RGL1: variants seen among roughly 807,000 people sequenced by gnomAD.
RGL1 encodes ral guanine nucleotide dissociation stimulator-like 1.
RGL1 carries 24 observed loss-of-function variants against 95.2 expected under a neutral mutation model. The observed-to-expected ratio is 0.25, with a 90% CI of 0.18 to 0.35. RGL1 has a LOEUF of 0.35. RGL1 is among the 10% of genes least tolerant of loss of function. RGL1 has a pLI of 1.00. For missense variants in RGL1, 715 were observed against 936.3 expected, an observed-to-expected ratio of 0.76 and a Z score of 3.08; for synonymous variants, 329 against 344.9, an observed-to-expected ratio of 0.95 and a Z score of 0.51.
At chr1:183,778,814 C>A in intron 2 of RGL1, among the ~76,000 whole-genome samples, 1 of 152,160 alleles carries the variant, frequency 6.6e-6, no homozygotes. Flanking sequence ...CAGATCATTA[C>A]AAAAGAGGGC....
chr1:183,685,296 C>T (rs1196001479), intron 1 of RGL1, among the ~76,000 whole-genome samples: 1 of 152,166 alleles, frequency 6.6e-6, no homozygotes, highest in Non-Finnish European at 1.5e-5. Flanking sequence ...ATCAGCAGTG[C>T]CATCTTGTGG....
chr1:183,924,474 G>A (rs374642102), intron 17 of RGL1, among the ~76,000 whole-genome samples: 24 of 152,216 alleles, frequency 1.6e-4, no homozygotes, highest in African/African-American at 5.1e-4. Flanking sequence ...GGGCCTGTTG[G>A]GGGGTGGAAG....
intron 1 of RGL1, among the ~76,000 whole-genome samples, chr1:183,716,262 A>C (rs762102038): frequency 5.3e-5 from 8 of 152,240 alleles, no homozygotes; most frequent in Admixed American, 2.6e-4. Context: ...TATGCTATTA[A>C]AAATATAAAC....
chr1:183,688,374 C>T (rs922545692), intron 1 of RGL1, among the ~76,000 whole-genome samples: 3 of 152,074 alleles, frequency 2.0e-5, no homozygotes, highest in African/African-American at 7.2e-5. Context: ...TTTTATATAG[C>T]ACCATCAGTG....
At chr1:183,729,767 G>A (rs995462707) in intron 1 of RGL1, among the ~76,000 whole-genome samples, 3 of 151,988 alleles carry the variant, frequency 2.0e-5, no homozygotes, top group African/African-American at 7.3e-5. Flanking sequence ...GTTTAACAAT[G>A]GAATACTACT....
intron 1 of RGL1, among the ~76,000 whole-genome samples, chr1:183,705,407 C>A (rs1031378594): frequency 6.6e-6 from 1 of 152,008 alleles, no homozygotes; most frequent in Admixed American, 6.5e-5. Context: ...ATGGACATTG[C>A]AGTCTCTTTG....
At chr1:183,904,104 T>C (rs1668180573) in intron 12 of RGL1, among the ~76,000 whole-genome samples, 1 of 152,372 alleles carries the variant, frequency 6.6e-6, no homozygotes, top group Admixed American at 6.5e-5. Context: ...GACTAGGATA[T>C]TAAACTTCTG....
Position 183,884,830 on chromosome 1 carries a change from T to C in RGL1, c.843T>C (p.Ser281=). 4 of 1,614,176 alleles carry C rather than the reference T, an allele frequency of 2.5e-6. No homozygotes were observed. Among genetic ancestry groups the C allele is most frequent in the Non-Finnish European group, 3.4e-6 (4 of 1,180,000 alleles). The part of the protein sequence containing the change: ...HLAPTIRATI[S]QFNTLTKCVV... The stretch of plus-strand genomic sequence containing the variant: ...CTCCTACGATCCGTGCCACCATCTC[T>C]CAGTTTAATACCCTCACCAAATGTG... Residue 281 remains serine, a synonymous_variant, in exon 7 of 18, where the codon TCT becomes TCC. Transcript: ENST00000360851.
chr1:183,653,724 G>T (rs1033481734), intron 1 of RGL1, among the ~76,000 whole-genome samples: 2 of 152,162 alleles, frequency 1.3e-5, no homozygotes, highest in Admixed American at 1.3e-4. Context: ...ATGTGTTAGC[G>T]GTTTCCCTCC....
chr1:183,678,206 T>G (rs1257799590), intron 1 of RGL1, among the ~76,000 whole-genome samples: 1 of 152,186 alleles, frequency 6.6e-6, no homozygotes, highest in East Asian at 1.9e-4. Flanking sequence ...TGCACCTGTG[T>G]GTAACCTCCT....
At chr1:183,697,194 C>A (rs1371428487) in intron 1 of RGL1, among the ~76,000 whole-genome samples, 1 of 152,144 alleles carries the variant, frequency 6.6e-6, no homozygotes, top group Non-Finnish European at 1.5e-5. Context: ...CGCCCCAAAC[C>A]CCCATGGCTT....
chr1:183,732,405 G>T (rs1484882577), intron 1 of RGL1, among the ~76,000 whole-genome samples: 1 of 152,140 alleles, frequency 6.6e-6, no homozygotes, highest in Non-Finnish European at 1.5e-5. Flanking sequence ...ACAGATGTTG[G>T]CATGGATTTC....
At chr1:183,753,969 TG>T (rs1658185178) in intron 2 of RGL1, among the ~76,000 whole-genome samples, 21 of 151,964 alleles carry the variant, frequency 1.4e-4, no homozygotes, top group Admixed American at 1.2e-3. Flanking sequence ...TTTTTTTTCT[TG>T]GAAAGAAGGA....
Position 183,676,173 on chromosome 1 carries a change from G to A in RGL1, c.-33+39672G>A, listed in dbSNP as rs536048285. 4.6e-5 allele frequency among the ~76,000 whole-genome samples: 7 copies of A among 152,068 alleles called. No homozygotes were observed. The East Asian group carries it at 5.8e-4, about 13-fold the overall frequency. ...ACAAATAATAATAAATAAATAAAAGGAGAAGAAGAACAAATAGAACAGAAT... is the reference window on the plus strand; with the variant it reads ...ACAAATAATAATAAATAAATAAAAGAAGAAGAAGAACAAATAGAACAGAAT... On this transcript the variant is annotated intron_variant, in intron 1 of 18. Coordinates refer to the RGL1 transcript ENST00000304685.
chr1:183,887,017 A>G (rs1160824422), intron 7 of RGL1, among the ~76,000 whole-genome samples: 1 of 151,856 alleles, frequency 6.6e-6, no homozygotes, highest in Non-Finnish European at 1.5e-5. Flanking sequence ...TGCATGATGT[A>G]TCTGTTCCTG....
chr1:183,808,840 G>A (rs191474610), intron 2 of RGL1, among the ~76,000 whole-genome samples: 4 of 151,992 alleles, frequency 2.6e-5, no homozygotes, highest in Admixed American at 2.0e-4. Context: ...CTATGAAGTG[G>A]TAAACACCAG....
intron 14 of RGL1, among the ~76,000 whole-genome samples, chr1:183,911,570 G>A (rs1035523885): frequency 5.9e-5 from 9 of 152,152 alleles, no homozygotes; most frequent in Non-Finnish European, 1.2e-4. Context: ...AGGCCTGTAG[G>A]GATTTCCCTT....
Position 183,806,380 on chromosome 1 carries a change from G to T in RGL1, c.33G>T (p.Ser11=). 2 of 1,613,114 alleles carry T rather than the reference G, an allele frequency of 1.2e-6. No homozygotes were observed. The highest frequency in any genetic ancestry group is 1.7e-5 in the Admixed American group (1 of 59,984). Residue 11 remains serine (S), a synonymous_variant, in exon 2 of 18, where the codon TCG becomes TCT. Coordinates refer to ENST00000360851, the MANE Select transcript of RGL1 (RefSeq NM_001297671.3). ...CTTTATCCCGTCCCTGGCAGAGCTC[G>T]ATTCAGGACTGGGGTGAAGAGGTAG... MKLLWQAKMS[S]IQDWGEEVEE...
chr1:183,730,419 T>C (rs1021364233), intron 1 of RGL1, among the ~76,000 whole-genome samples: 1 of 152,120 alleles, frequency 6.6e-6, no homozygotes, highest in African/African-American at 2.4e-5. Flanking sequence ...CAAAACTCAC[T>C]ACCTCCCCTC....
Sources: gnomAD v4.1 joint callset for allele counts (sites outside exome capture counted in the v4.1 genomes callset) on GRCh38, gnomAD v4.1.1 for gene constraint, MANE v1.5 for transcripts, NCBI Gene and HGNC (gene_info 2026-07-23, HGNC 2026-07-21) for gene names.